Variants in ENPP5 observed in about 807,000 individuals in gnomAD.
ENPP5 encodes the protein ectonucleotide pyrophosphatase/phosphodiesterase family member 5.
A neutral mutation model predicts 33.7 loss-of-function variants in ENPP5; 27 were observed. That is an observed-to-expected ratio of 0.80 (90% confidence interval 0.59 to 1.11). ENPP5 has a LOEUF of 1.11. ENPP5 is among the 50% of genes least tolerant of loss of function. The pLI is 0.00. For synonymous variants in ENPP5, 199 were observed against 200.5 expected (o/e 0.99, Z 0.06); for missense variants, 552 against 579.2 (o/e 0.95, Z 0.48).
In ENPP5 at chr6:46,161,742, C is replaced by T. The variant is rs1337789638; in HGVS notation, c.1018G>A (p.Gly340Ser). The T allele has an allele frequency of 5.0e-6, 8 of 1,608,360 alleles. No homozygotes were observed. Among genetic ancestry groups the T allele is most frequent in the African/African-American group, 1.3e-5 (1 of 74,984 alleles). Residue 340 changes from glycine (G) to serine (S), a missense_variant, in exon 5 of 5, where the codon GGT (glycine) becomes AGT (serine). Transcript: ENST00000371383. ...ATATCTGCTAACGCATTATCGTAACCGTGGTTGCCTACTGTAAAGAGAAAA... is the reference window on the plus strand; with the variant it reads ...ATATCTGCTAACGCATTATCGTAACTGTGGTTGCCTACTGTAAAGAGAAAA... ...KSDDFLLGNHGYDNALADMHP... is the reference protein window; with the variant it reads ...KSDDFLLGNHSYDNALADMHP...
At chr6:46,168,777 T>G (rs1764637856) in intron 2 of ENPP5, among the ~76,000 whole-genome samples, 1 of 151,868 alleles carries the variant, frequency 6.6e-6, no homozygotes, top group Non-Finnish European at 1.5e-5. Context: ...TATATATATA[T>G]GTATATGCAC....
Position 46,161,573 on chromosome 6 carries a change from T to C in ENPP5, c.1187A>G (p.Gln396Arg). 1.2e-6 allele frequency: 2 copies of C among 1,614,114 alleles called. No homozygotes were observed. The highest frequency in any genetic ancestry group is 4.5e-5 in the East Asian group (2 of 44,876). The change falls in exon 5 of 5, where the codon CAG (glutamine) becomes CGG (arginine). Residue 396 changes from glutamine (Q) to arginine (R), a missense_variant. Physicochemically the swap from Gln to Arg is conservative, Grantham distance 43. Coordinates refer to ENST00000371383, the MANE Select transcript of ENPP5 (RefSeq NM_001290072.2). ...TGGCATTGCTGAATTGAGCAGATCCTGGACATTCCAGAATGATCCATTGTG... is the reference window on the plus strand; with the variant it reads ...TGGCATTGCTGAATTGAGCAGATCCCGGACATTCCAGAATGATCCATTGTG... ...MPHNGSFWNV[Q>R]DLLNSAMPRV...
At chr6:46,169,029 T>A (rs1562072634) in intron 2 of ENPP5, among the ~76,000 whole-genome samples, 1 of 152,202 alleles carries the variant, frequency 6.6e-6, no homozygotes, top group Non-Finnish European at 1.5e-5. Flanking sequence ...TGTTGTTGAC[T>A]TTCCTAATGT....
At chr6:46,164,722 C>A (rs1764485378) in intron 4 of ENPP5, among the ~76,000 whole-genome samples, 1 of 115,526 alleles carries the variant, frequency 8.7e-6, no homozygotes. Flanking sequence ...TATGTAAAAA[C>A]TGTTTATTTT....
rs777128942 is a variant in ENPP5, at chr6:46,168,314, T to C, written c.-35-17A>G. 4 of 1,224,470 alleles carry C rather than the reference T, an allele frequency of 3.3e-6. 1 individual carries two copies. Among genetic ancestry groups the C allele is most frequent in the Non-Finnish European group, 2.3e-6 (2 of 876,346 alleles). The allele number at this position is 1,224,470 out of a possible 1,614,324, so 75.9% of individuals were successfully genotyped here. A position where few individuals can be genotyped will look rare whatever the true frequency, so the allele number is the denominator to read the frequency against. On this transcript the variant is annotated splice_polypyrimidine_tract_variant and intron_variant, in intron 2 of 4. Coordinates refer to ENST00000371383, the MANE Select transcript of ENPP5 (RefSeq NM_001290072.2). ...TAAGATAATCTGTAGAATAAACATA[T>C]AGAAATTAAAGGCAATAATTTTGTT... is the stretch of plus-strand genomic sequence containing the variant.
intron 3 of ENPP5, 92 bp from the exon 4 acceptor site, chr6:46,165,655 G>A: frequency 9.7e-7 from 1 of 1,032,464 alleles, no homozygotes; most frequent in South Asian, 2.3e-5. Context: ...TGAAAAACCA[G>A]AGAGCTGAAC....
At chr6:46,169,963 A>C (rs1462101845) in intron 2 of ENPP5, 90 bp downstream of exon 2, 4 of 152,212 alleles carry the variant, frequency 2.6e-5, no homozygotes, top group African/African-American at 9.6e-5. Context: ...GATTTCTTGG[A>C]TGGCAATACT....
rs926512950 is a variant in ENPP5 at position 46,161,091 on chromosome 6, C to A, written c.*235G>T. Reference sequence around the variant, plus strand: ...CAAATAAAGCAGGATCTTATCTATCCCTATGCTACAGTGAACAATGGAGAC... The same window carrying A: ...CAAATAAAGCAGGATCTTATCTATCACTATGCTACAGTGAACAATGGAGAC... On this transcript the variant is annotated 3_prime_UTR_variant, in exon 5 of 5. Coordinates refer to ENST00000371383, the MANE Select transcript of ENPP5 (RefSeq NM_001290072.2). 1.2e-5 allele frequency: 6 copies of A among 489,496 alleles called. No homozygotes were observed. The East Asian group carries it at 1.4e-4, about 11-fold the overall frequency. 30.3% of individuals were successfully genotyped at this position (489,496 alleles called of 1,614,324 possible).
rs763011708 is a variant in ENPP5, at chr6:46,168,042, G to C, written c.221C>G (p.Pro74Arg). 1.1e-5 allele frequency: 18 copies of C among 1,613,904 alleles called. No individual in the cohort carries two copies. The highest frequency in any genetic ancestry group is 1.7e-5 in the Admixed American group (1 of 59,998). Residue 74 changes from proline (P) to arginine (R), a missense_variant, in exon 3 of 5, where the codon CCT becomes CGT. Physicochemically the swap from Pro to Arg is moderately radical, Grantham distance 103. Transcript: ENST00000371383. ...GCCAGTTACCAAAGTATAATGGTTAGGGTAGGTTTTTGTAATAAAAACATT... is the reference window on the plus strand; with the variant it reads ...GCCAGTTACCAAAGTATAATGGTTACGGTAGGTTTTTGTAATAAAAACATT... ...VTNVFITKTY[P>R]NHYTLVTGLF...
rs1487454665 is a variant in ENPP5, at chr6:46,159,980, A to C, written c.*1346T>G. On this transcript the variant is annotated 3_prime_UTR_variant, in exon 5 of 5. Transcript: ENST00000371383. ...TAAAGCACAGCCTTAGGTTGTTGGA[A>C]TGGAAAAGACTGAGATGACCAGGCA... is the stretch of plus-strand genomic sequence containing the variant. 1 of 152,210 alleles carries C rather than the reference A, an allele frequency of 6.6e-6. No individual in the cohort carries two copies. The highest frequency in any genetic ancestry group is 2.4e-5 in the African/African-American group (1 of 41,460). 9.4% of individuals were successfully genotyped at this position (152,210 alleles called of 1,614,324 possible).
Position 46,167,743 on chromosome 6 carries a change from A to G in ENPP5, c.520T>C (p.Phe174Leu), listed in dbSNP as rs368465281. Residue 174 changes from phenylalanine to leucine, a missense_variant, in exon 3 of 5, where the codon TTT becomes CTT. Physicochemically the swap from Phe to Leu is conservative, Grantham distance 22. Transcript: ENST00000371383. ...EDRVAKIIEW[F>L]TSKEPINLGL... ...AGATTTATGGGCTCTTTTGACGTAAACCATTCAATAATTTTGGCAACTCTA... is the reference window on the plus strand; with the variant it reads ...AGATTTATGGGCTCTTTTGACGTAAGCCATTCAATAATTTTGGCAACTCTA... 7.4e-6 allele frequency: 12 copies of G among 1,614,044 alleles called. No individual in the cohort carries two copies. The highest frequency in any genetic ancestry group is 2.5e-6 in the Non-Finnish European group (3 of 1,180,042).
At position 46,160,622 on chromosome 6, in the gene ENPP5, A is replaced by G. The variant is rs1764359880; in HGVS notation, c.*704T>C. On this transcript the variant is annotated 3_prime_UTR_variant, in exon 5 of 5. Coordinates refer to ENST00000371383, the MANE Select transcript of ENPP5 (RefSeq NM_001290072.2). ...ACAATAATTTTATGACAGAAACAAT[A>G]TATTTAGAACGAATCTGTCAGTATT... The G allele has an allele frequency of 6.6e-6, 1 of 152,184 alleles. No individual in the cohort carries two copies. The highest frequency in any genetic ancestry group is 1.5e-5 in the Non-Finnish European group (1 of 68,036). 9.4% of individuals were successfully genotyped at this position (152,184 alleles called of 1,614,324 possible).
At chr6:46,162,204 G>T (rs1366045633) in intron 4 of ENPP5, among the ~76,000 whole-genome samples, 1 of 152,010 alleles carries the variant, frequency 6.6e-6, no homozygotes, top group Non-Finnish European at 1.5e-5. Flanking sequence ...ACCAATAAAA[G>T]GGAAAATACG....
intron 4 of ENPP5, 37 bp from the exon 5 acceptor site, chr6:46,161,790 A>C: frequency 2.8e-6 from 4 of 1,443,082 alleles, no homozygotes; most frequent in Non-Finnish European, 3.8e-6. Flanking sequence ...TTAGCCAACT[A>C]TGCATTAAAA....
rs1764342242 is a variant in ENPP5, at chr6:46,160,194, A to G, written c.*1132T>C. On this transcript the variant is annotated 3_prime_UTR_variant, in exon 5 of 5. Transcript: ENST00000371383. Reference sequence around the variant, plus strand: ...CTGCTTTTTCTAGTATGCACACTTTACCACTGTTCTGGGTGTCTTGTAAAC... The same window carrying G: ...CTGCTTTTTCTAGTATGCACACTTTGCCACTGTTCTGGGTGTCTTGTAAAC... The G allele has an allele frequency of 6.6e-6, 1 of 152,140 alleles. No homozygotes were observed. The highest frequency in any genetic ancestry group is 2.4e-5 in the African/African-American group (1 of 41,428). The allele number at this position is 152,140 out of a possible 1,614,324, so 9.4% of individuals were successfully genotyped here. A position where few individuals can be genotyped will look rare whatever the true frequency, so the allele number is the denominator to read the frequency against.
rs1764606219 is a variant in ENPP5, at chr6:46,167,973, TCAAA to T, written c.286_289del (p.Phe96IlefsTer13). 6.2e-7 allele frequency: 1 copy of T among 1,614,050 alleles called. No homozygotes were observed. The highest frequency in any genetic ancestry group is 8.5e-7 in the Non-Finnish European group (1 of 1,180,042). ...GGAGAAAGATTTGTTCCGAATAGGATCAAACATATCATTTGCAACAATCCCATGA... is the reference window on the plus strand; with the variant it reads ...GGAGAAAGATTTGTTCCGAATAGGATCATATCATTTGCAACAATCCCATGA... On this transcript the variant is annotated frameshift_variant, in exon 3 of 5. Transcript: ENST00000371383. LOFTEE classifies it high-confidence loss of function.
Position 46,161,395 on chromosome 6 carries a change from TAAATGCTTAATGAAAATTACA to T in ENPP5, c.1344_1364del (p.Phe448_His454del). On this transcript the variant is annotated inframe_deletion, in exon 5 of 5. Coordinates refer to ENST00000371383, the MANE Select transcript of ENPP5 (RefSeq NM_001290072.2). ...GTAAGGCAGGTATTTGACTGTGAAT[TAAATGCTTAATGAAAATTACA>T]AAAAATACAATCACTATAATGCTGC... 6.2e-7 allele frequency: 1 copy of T among 1,613,748 alleles called. No homozygotes were observed. The highest frequency in any genetic ancestry group is 8.5e-7 in the Non-Finnish European group (1 of 1,179,734).
In ENPP5 at chr6:46,167,706, T is replaced by G; in HGVS notation, c.557A>C (p.Tyr186Ser). Residue 186 changes from tyrosine (Y) to serine (S), a missense_variant, in exon 3 of 5, where the codon TAT becomes TCT. Tyr to Ser is a moderately radical substitution (Grantham distance 144). Transcript: ENST00000371383. ...SKEPINLGLL[Y>S]WEDPDDMGHH... ...GCCCATGTCATCAGGGTCTTCCCAA[T>G]AGAGAAGACCAAGATTTATGGGCTC... 1 of 1,614,184 alleles carries G rather than the reference T, an allele frequency of 6.2e-7. No homozygotes were observed. The highest frequency in any genetic ancestry group is 1.1e-5 in the South Asian group (1 of 91,086).
intron 4 of ENPP5, 63 bp from the exon 5 acceptor site, chr6:46,161,816 T>A (rs1764405274): frequency 1.6e-6 from 2 of 1,217,468 alleles, no homozygotes; most frequent in Non-Finnish European, 1.2e-6. Flanking sequence ...ATAATTGTTG[T>A]ATGGTCAAAT....
Sources: gnomAD v4.1 joint callset for allele counts (sites outside exome capture counted in the v4.1 genomes callset) on GRCh38, gnomAD v4.1.1 for gene constraint, MANE v1.5 for transcripts, NCBI Gene and HGNC (gene_info 2026-07-23, HGNC 2026-07-21) for gene names.